The following KIT variants were observed in gnomAD, a reference collection of about 807,000 sequenced individuals.
KIT encodes KIT proto-oncogene, receptor tyrosine kinase, also known as mast/stem cell growth factor receptor Kit.
A neutral mutation model predicts 105.7 loss-of-function variants in KIT; 16 were observed. The observed-to-expected ratio is 0.15, with a 90% confidence interval of 0.10 to 0.23. The LOEUF is 0.23. KIT is among the 10% of genes least tolerant of loss of function. KIT has a pLI of 1.00. For synonymous variants in KIT, 438 were observed against 441.1 expected (o/e 0.99, Z 0.09); for missense variants, 858 against 1,213.8 (o/e 0.71, Z 4.36).
intron 1 of KIT, among the ~76,000 whole-genome samples, chr4:54,694,039 A>C (rs1719889146): frequency 6.6e-6 from 1 of 151,794 alleles, no homozygotes; most frequent in Admixed American, 6.6e-5. Flanking sequence ...CTGCTGAAAA[A>C]CCTAAATTGA....
Position 54,709,437 on chromosome 4 carries a change from C to T in KIT, c.1129C>T (p.Leu377Phe). The change falls in exon 7 of 21, where the codon CTT (leucine) becomes TTT (phenylalanine). Residue 377 changes from leucine (L) to phenylalanine (F), a missense_variant. By Grantham distance (22) the Leu-to-Phe change is conservative. Transcript: ENST00000288135. ...TTTTCTTTGTAGATACGTAAGTGAA[C>T]TTCATCTAACGAGATTAAAAGGCAC... ...NESNIRYVSELHLTRLKGTEG... is the reference protein window; with the variant it reads ...NESNIRYVSEFHLTRLKGTEG... The T allele has an allele frequency of 6.2e-7, 1 of 1,609,818 alleles. No individual in the cohort carries two copies. The highest frequency in any genetic ancestry group is 8.5e-7 in the Non-Finnish European group (1 of 1,176,098).
rs777616464 is a variant in KIT at position 54,709,405 on chromosome 4, AGTT to A, written c.1116-16_1116-14del. ...GCATGCTATCCACAGGTGATTGACTAGTTGTCTTTTCTTTGTAGATACGTAAGT... is the reference window on the plus strand; with the variant it reads ...GCATGCTATCCACAGGTGATTGACTAGTCTTTTCTTTGTAGATACGTAAGT... On this transcript the variant is annotated splice_polypyrimidine_tract_variant and intron_variant, in intron 6 of 20. Coordinates refer to ENST00000288135, the MANE Select transcript of KIT (RefSeq NM_000222.3). The A allele has an allele frequency of 7.2e-5, 104 of 1,440,518 alleles. No individual in the cohort carries two copies. The highest frequency in any genetic ancestry group is 9.6e-5 in the Non-Finnish European group (98 of 1,021,730). The allele number at this position is 1,440,518 out of a possible 1,614,324, so 89.2% of individuals were successfully genotyped here.
chr4:54,669,621 A>G (rs568319463), intron 1 of KIT, among the ~76,000 whole-genome samples: 1 of 152,132 alleles, frequency 6.6e-6, no homozygotes, highest in Non-Finnish European at 1.5e-5. Context: ...ATACCAGGCA[A>G]AAGTCTTTGT....
At chr4:54,703,042 A>G (rs1720552607) in intron 4 of KIT, among the ~76,000 whole-genome samples, 1 of 152,186 alleles carries the variant, frequency 6.6e-6, no homozygotes, top group Non-Finnish European at 1.5e-5. Context: ...CTTTTTAAAT[A>G]CAAGAAATCT....
intron 7 of KIT, among the ~76,000 whole-genome samples, chr4:54,718,800 G>C (rs1038661953): frequency 6.6e-6 from 1 of 152,162 alleles, no homozygotes; most frequent in Non-Finnish European, 1.5e-5. Flanking sequence ...ACTTCTGTTA[G>C]TGTCCATATG....
chr4:54,708,837 G>A (rs550100181), intron 6 of KIT, among the ~76,000 whole-genome samples: 1 of 152,248 alleles, frequency 6.6e-6, no homozygotes, highest in Non-Finnish European at 1.5e-5. Flanking sequence ...AGGGTTGTAG[G>A]GTGCTCAGTG....
chr4:54,738,339 T>A (rs1723044228), intron 20 of KIT, 90 bp from the exon 21 acceptor site: 1 of 1,465,162 alleles, frequency 6.8e-7, no homozygotes, highest in Non-Finnish European at 9.6e-7. Context: ...TTTCCATCAG[T>A]TAGTTGTGAT....
At chr4:54,720,679 GC>G (rs1366916684) in intron 7 of KIT, among the ~76,000 whole-genome samples, 4 of 152,046 alleles carry the variant, frequency 2.6e-5, no homozygotes, top group African/African-American at 9.7e-5. Context: ...CCTTTCCTCC[GC>G]CTATTAAGTT....
intron 1 of KIT, among the ~76,000 whole-genome samples, chr4:54,667,417 G>A (rs2282779): frequency 0.29 from 43,765 of 152,078 alleles, 7,390 homozygotes; most frequent in Admixed American, 0.4. Context: ...CTGGGTAGGC[G>A]CCAATGTTAC....
At chr4:54,662,121 G>A (rs1717322676) in intron 1 of KIT, among the ~76,000 whole-genome samples, 1 of 152,092 alleles carries the variant, frequency 6.6e-6, no homozygotes, top group Non-Finnish European at 1.5e-5. Context: ...GATGAGGCCT[G>A]TGCTCTTCAG....
chr4:54,708,829 G>C (rs540074413), intron 6 of KIT, among the ~76,000 whole-genome samples: 59 of 152,256 alleles, frequency 3.9e-4, no homozygotes, highest in African/African-American at 1.3e-3. Flanking sequence ...ACCCCGACAG[G>C]GTTGTAGGGT....
Position 54,734,871 on chromosome 4 carries a change from GA to G in KIT, c.2485-1623del, listed in dbSNP as rs145646668. On this transcript the variant is annotated intron_variant, in intron 17 of 20. Coordinates refer to ENST00000288135, the MANE Select transcript of KIT (RefSeq NM_000222.3). ...TGATGAAATACATAGGAATACCAAG[GA>G]AAACAGTTAAATCGAAATAGCTATG... Among the ~76,000 whole-genome samples, 255 of 152,210 alleles carry G rather than the reference GA, an allele frequency of 1.7e-3. 1 individual carries two copies. The highest frequency in any genetic ancestry group is 5.7e-3 in the African/African-American group (238 of 41,532).
At chr4:54,662,251 A>G (rs1301278908) in intron 1 of KIT, among the ~76,000 whole-genome samples, 2 of 152,190 alleles carry the variant, frequency 1.3e-5, no homozygotes, top group African/African-American at 2.4e-5. Flanking sequence ...GGGAGGAGAC[A>G]GGCCGGCCTA....
chr4:54,674,534 C>T (rs1286649550), intron 1 of KIT, among the ~76,000 whole-genome samples: 6 of 152,136 alleles, frequency 3.9e-5, no homozygotes, highest in African/African-American at 1.2e-4. Flanking sequence ...ATGCTGCCAC[C>T]ACCATCTTCC....
chr4:54,704,429 C>T (rs907681447), intron 5 of KIT, among the ~76,000 whole-genome samples: 5 of 152,076 alleles, frequency 3.3e-5, no homozygotes, highest in Admixed American at 3.3e-4. Flanking sequence ...TAGCATAAAC[C>T]TTCAGGAAGG....
chr4:54,688,954 T>TC (rs1156834795), intron 1 of KIT, among the ~76,000 whole-genome samples: 1 of 152,158 alleles, frequency 6.6e-6, no homozygotes, highest in Non-Finnish European at 1.5e-5. Flanking sequence ...TTTGGTTGAG[T>TC]GATGGGCTTT....
chr4:54,738,049 A>C (rs1723027000), intron 20 of KIT, among the ~76,000 whole-genome samples: 1 of 152,194 alleles, frequency 6.6e-6, no homozygotes, highest in Non-Finnish European at 1.5e-5. Flanking sequence ...GATTCTTGAC[A>C]AGAGACCCCT....
At chr4:54,727,678 A>G (rs1380881692) in intron 11 of KIT, 136 bp downstream of exon 11, 2 of 1,336,582 alleles carry the variant, frequency 1.5e-6, no homozygotes, top group Admixed American at 1.8e-5. Context: ...CCCTTTTGAT[A>G]GGTTTGCCAT....
At chr4:54,678,353 C>CTT (rs1230147919) in intron 1 of KIT, among the ~76,000 whole-genome samples, 249 of 58,106 alleles carry the variant, frequency 4.3e-3, no homozygotes, top group East Asian at 0.01. Context: ...TCCTTCCTTC[C>CTT]CTCCCTCCCT....
Sources: gnomAD v4.1 joint callset for allele counts (sites outside exome capture counted in the v4.1 genomes callset) on GRCh38, gnomAD v4.1.1 for gene constraint, MANE v1.5 for transcripts, NCBI Gene and HGNC (gene_info 2026-07-23, HGNC 2026-07-21) for gene names.